Variants in IGF2BP2 observed in about 807,000 individuals in gnomAD.
IGF2BP2 encodes the protein insulin-like growth factor 2 mRNA-binding protein 2.
In IGF2BP2, 17 loss-of-function variants were observed where a neutral mutation model predicts 75.8. The ratio of observed to expected loss-of-function variants is 0.22; its 90% confidence interval spans 0.15 to 0.34. IGF2BP2 has a LOEUF of 0.34. IGF2BP2 is among the 10% of genes least tolerant of loss of function. The pLI, the probability that IGF2BP2 is intolerant of heterozygous loss-of-function variation, is 1.00. For missense variants in IGF2BP2, 516 were observed against 772.4 expected (o/e 0.67, Z 3.93); for synonymous variants, 288 against 295.6 (o/e 0.97, Z 0.26).
intron 2 of IGF2BP2, among the ~76,000 whole-genome samples, chr3:185,811,849 T>C (rs1190595314): frequency 8.4e-6 from 1 of 118,634 alleles, no homozygotes; most frequent in Non-Finnish European, 1.6e-5. Flanking sequence ...TCTCTCTCTC[T>C]CTCTCTCTCT....
Position 185,808,113 on chromosome 3 carries a change from CT to C in IGF2BP2, c.239+15039del, listed in dbSNP as rs749958899. Among the ~76,000 whole-genome samples, 1,260 of 126,358 alleles carry C rather than the reference CT, an allele frequency of 1.0e-2. 7 individuals carry two copies. The highest frequency in any genetic ancestry group is 0.015 in the Middle Eastern group (4 of 260). The allele number at this position is 126,358 out of a possible 152,430, so 82.9% of individuals were successfully genotyped here. On this transcript the variant is annotated intron_variant, in intron 2 of 15. Coordinates refer to ENST00000382199, the MANE Select transcript of IGF2BP2 (RefSeq NM_006548.6). ...TGGACAAGATGCCAAGACCTCGTTTCTTTTAAAAAAAAAAAAAAAAAAGAAA... is the reference window on the plus strand; with the variant it reads ...TGGACAAGATGCCAAGACCTCGTTTCTTTAAAAAAAAAAAAAAAAAAGAAA...
intron 2 of IGF2BP2, among the ~76,000 whole-genome samples, chr3:185,735,390 C>G (rs139424071): frequency 6.6e-6 from 1 of 152,306 alleles, no homozygotes; most frequent in African/African-American, 2.4e-5. Context: ...AGGTGATCCA[C>G]CTGCCTCGGC....
intron 8 of IGF2BP2, 98 bp downstream of exon 8, chr3:185,675,693 T>A (rs150468952): frequency 3.5e-6 from 5 of 1,417,226 alleles, no homozygotes; most frequent in Non-Finnish European, 4.8e-6. Context: ...CTTATGATTA[T>A]ATTCCCATTT....
intron 10 of IGF2BP2, among the ~76,000 whole-genome samples, chr3:185,661,262 C>A (rs1242272288): frequency 6.6e-6 from 1 of 152,168 alleles, no homozygotes; most frequent in Non-Finnish European, 1.5e-5. Context: ...TTTAATCTTT[C>A]TGAGCCTTAT....
At position 185,649,423 on chromosome 3, in the gene IGF2BP2, T is replaced by C. The variant is rs1714181203; in HGVS notation, c.1573A>G (p.Ile525Val). 6.2e-7 allele frequency: 1 copy of C among 1,613,658 alleles called. No individual in the cohort carries two copies. Among genetic ancestry groups the C allele is most frequent in the Non-Finnish European group, 8.5e-7 (1 of 1,179,938 alleles). ...RVPSSTAGRV[I>V]GKGGKTVNEL... ...CTTACGGTCTTGCCACCTTTGCCAA[T>C]CACCCGGCCAGCTGTGGAAGAGGGC... Residue 525 changes from isoleucine (I) to valine (V), a missense_variant, in exon 14 of 16, where the codon ATT becomes GTT. Ile to Val is a conservative substitution (Grantham distance 29). Coordinates refer to ENST00000382199, the MANE Select transcript of IGF2BP2 (RefSeq NM_006548.6).
At chr3:185,717,698 T>C (rs1409405647) in intron 2 of IGF2BP2, 1 of 152,166 alleles carries the variant, frequency 6.6e-6, no homozygotes, top group African/African-American at 2.4e-5. Context: ...ACAAAATTAA[T>C]TGTCTAAGGG....
intron 2 of IGF2BP2, among the ~76,000 whole-genome samples, chr3:185,714,566 A>C (rs1327687696): frequency 6.6e-6 from 1 of 152,264 alleles, no homozygotes; most frequent in Admixed American, 6.5e-5. Flanking sequence ...TGGAGCTATC[A>C]AACTTTTGAT....
chr3:185,672,543 T>C lies in IGF2BP2; in HGVS notation c.1198A>G (p.Thr400Ala). Residue 400 changes from threonine (T) to alanine (A), a missense_variant and splice_region_variant, in exon 10 of 16, where the codon ACT (threonine) becomes GCT (alanine). Thr to Ala is a moderately conservative substitution (Grantham distance 58, BLOSUM62 0). This residue lies in a region of IGF2BP2 where 75 missense variants were observed against 67.4 expected (regional missense o/e 1.11). Transcript: ENST00000382199. ...CCTCCACAAGCTGAGCTACTTACAG[T>C]GAAGGGGTGGTAGGGGGCAGCGGGG... ...APPAAPYHPF[T>A]THSGYFSSLY... 1.2e-6 allele frequency: 2 copies of C among 1,609,538 alleles called. No individual in the cohort carries two copies. Among genetic ancestry groups the C allele is most frequent in the South Asian group, 1.1e-5 (1 of 90,552 alleles).
chr3:185,820,255 C>T (rs1257342743), intron 2 of IGF2BP2, among the ~76,000 whole-genome samples: 2 of 143,626 alleles, frequency 1.4e-5, no homozygotes, highest in African/African-American at 5.6e-5. Context: ...CACACACACA[C>T]ACACACACAC....
chr3:185,675,004 CTTTTCTTT>C (rs1231865826), intron 9 of IGF2BP2: 6 of 159,716 alleles, frequency 3.8e-5, no homozygotes, highest in African/African-American at 1.9e-4. Flanking sequence ...GTTATTCTTG[CTTTTCTTT>C]TTTTTTTTTT....
chr3:185,662,576 C>T (rs536373339), intron 10 of IGF2BP2, among the ~76,000 whole-genome samples: 5 of 131,424 alleles, frequency 3.8e-5, no homozygotes, highest in Non-Finnish European at 7.9e-5. Flanking sequence ...GATGGACTAG[C>T]TCTGTTGCCC....
chr3:185,674,387 A>G (rs922978976), intron 9 of IGF2BP2, among the ~76,000 whole-genome samples: 19 of 152,204 alleles, frequency 1.2e-4, no homozygotes, highest in Non-Finnish European at 8.8e-5. Flanking sequence ...TAAAAAGTGA[A>G]AAAAATTTAC....
chr3:185,723,339 G>C (rs1021495979), intron 2 of IGF2BP2, among the ~76,000 whole-genome samples: 4 of 152,206 alleles, frequency 2.6e-5, no homozygotes, highest in African/African-American at 9.6e-5. Context: ...ACAGTCAAAA[G>C]CTTATCAGAT....
rs1245367827 is a variant in IGF2BP2 at position 185,824,910 on chromosome 3, G to C, written c.51C>G (p.Asp17Glu). The stretch of plus-strand genomic sequence containing the variant: ...TGTCCCCAAAGAGCTGCCGGAGGTC[G>C]TCGGCGGTGACGGCGGGGCTCAGGT... The part of the protein sequence containing the change: ...IGNLSPAVTA[D>E]DLRQLFGDRK... The change falls in exon 1 of 16, where the codon GAC becomes GAG. Residue 17 changes from aspartate (D) to glutamate (E), a missense_variant. This residue lies in a region of IGF2BP2 where 312 missense variants were observed against 474.5 expected (regional missense o/e 0.66). Coordinates refer to ENST00000382199, the MANE Select transcript of IGF2BP2 (RefSeq NM_006548.6). 6.4e-7 allele frequency: 1 copy of C among 1,569,406 alleles called. No homozygotes were observed. The highest frequency in any genetic ancestry group is 8.7e-7 in the Non-Finnish European group (1 of 1,155,988).
chr3:185,801,227 C>T (rs1353677643), intron 2 of IGF2BP2, among the ~76,000 whole-genome samples: 1 of 152,150 alleles, frequency 6.6e-6, no homozygotes, highest in Non-Finnish European at 1.5e-5. Context: ...CGGTGGCTCA[C>T]GCCAGTAATC....
At chr3:185,786,687 T>C (rs1226496765) in intron 2 of IGF2BP2, among the ~76,000 whole-genome samples, 2 of 152,186 alleles carry the variant, frequency 1.3e-5, no homozygotes, top group Non-Finnish European at 2.9e-5. Context: ...AACAGCCTTG[T>C]TGCTCACACA....
chr3:185,649,014 G>GATTCC (rs1714095683), intron 14 of IGF2BP2, among the ~76,000 whole-genome samples: 1 of 152,008 alleles, frequency 6.6e-6, no homozygotes, highest in Non-Finnish European at 1.5e-5. Context: ...CTCTCTCGGT[G>GATTCC]GGAATCCCCC....
chr3:185,648,561 G>A (rs1183115293), intron 14 of IGF2BP2, among the ~76,000 whole-genome samples: 2 of 146,266 alleles, frequency 1.4e-5, no homozygotes, highest in Non-Finnish European at 3.0e-5. Context: ...CCGCCTCCCC[G>A]CCAAGTTCCT....
chr3:185,768,093 G>A (rs1733339098), intron 2 of IGF2BP2, among the ~76,000 whole-genome samples: 1 of 152,188 alleles, frequency 6.6e-6, no homozygotes, highest in South Asian at 2.1e-4. Flanking sequence ...GAAGGGTACT[G>A]CTTTGTCTTT....
Sources: gnomAD v4.1 joint callset for allele counts (sites outside exome capture counted in the v4.1 genomes callset) on GRCh38, gnomAD v4.1.1 for gene constraint, gnomAD v4.1.1 regional missense constraint, MANE v1.5 for transcripts, NCBI Gene and HGNC (gene_info 2026-07-23, HGNC 2026-07-21) for gene names.